The following RUNX2 variants were observed in gnomAD, a reference collection of about 807,000 sequenced individuals.
The protein encoded by RUNX2 is runt-related transcription factor 2.
A neutral mutation model predicts 51.7 loss-of-function variants in RUNX2; 10 were observed. The ratio of observed to expected loss-of-function variants is 0.19; its 90% CI spans 0.12 to 0.33. RUNX2 has a LOEUF of 0.33. RUNX2 is among the 10% of genes least tolerant of loss of function. The pLI is 1.00. For synonymous variants in RUNX2, 276 were observed against 273.6 expected (o/e 1.01, Z -0.09); for missense variants, 562 against 691.3 (o/e 0.81, Z 2.10).
intron 2 of RUNX2, among the ~76,000 whole-genome samples, chr6:45,410,251 G>A (rs571515027): frequency 6.6e-6 from 1 of 152,292 alleles, no homozygotes; most frequent in African/African-American, 2.4e-5. Flanking sequence ...ATTGAGATGG[G>A]CATGAATGGA....
intron 5 of RUNX2, among the ~76,000 whole-genome samples, chr6:45,471,588 G>A (rs1413512238): frequency 4.0e-5 from 6 of 151,840 alleles, no homozygotes. Flanking sequence ...GGGACTACAG[G>A]CGCCCACCAC....
At chr6:45,359,533 G>GA (rs1793858004) in intron 2 of RUNX2, among the ~76,000 whole-genome samples, 3 of 152,000 alleles carry the variant, frequency 2.0e-5, no homozygotes, top group African/African-American at 4.8e-5. Context: ...ATTTAACAGT[G>GA]AAAAAACACA....
intron 7 of RUNX2, among the ~76,000 whole-genome samples, chr6:45,536,145 G>T (rs1802025916): frequency 6.6e-6 from 1 of 151,792 alleles, no homozygotes; most frequent in Non-Finnish European, 1.5e-5. Context: ...AACACAGAAA[G>T]TGAACCTTGA....
Position 45,388,236 on chromosome 6 carries a change from CA to C in RUNX2, c.59-34356del, listed in dbSNP as rs375181707. ...AAAGAAATGAGAACTTGAAGCAGAC[CA>C]TACCTAATGATCCCAGTTTTTTCAG... On this transcript the variant is annotated intron_variant, in intron 2 of 8. Transcript: ENST00000647337. 7.1e-4 allele frequency among the ~76,000 whole-genome samples: 108 copies of C among 152,252 alleles called. 1 individual carries two copies. In the East Asian group the frequency reaches 0.016, roughly 23 times the overall value.
intron 6 of RUNX2, among the ~76,000 whole-genome samples, chr6:45,501,039 G>T (rs1411421257): frequency 2.6e-5 from 4 of 152,202 alleles, no homozygotes; most frequent in African/African-American, 9.6e-5. Context: ...GAAGGGGAAG[G>T]AGTGTCATCT....
chr6:45,443,113 C>T (rs1026566922), intron 5 of RUNX2, among the ~76,000 whole-genome samples: 1 of 123,230 alleles, frequency 8.1e-6, no homozygotes, highest in Non-Finnish European at 1.6e-5. Context: ...GTGCCATGAT[C>T]ATAGCTAACT....
intron 5 of RUNX2, among the ~76,000 whole-genome samples, chr6:45,458,216 G>A (rs1032405730): frequency 2.6e-5 from 4 of 152,106 alleles, no homozygotes; most frequent in Admixed American, 2.6e-4. Flanking sequence ...TAGTAGGGAC[G>A]GGGTTTCCCC....
At chr6:45,481,503 G>A (rs900394051) in intron 5 of RUNX2, among the ~76,000 whole-genome samples, 1 of 152,190 alleles carries the variant, frequency 6.6e-6, no homozygotes, top group Admixed American at 6.5e-5. Flanking sequence ...CTAAGTTTTG[G>A]AAGTAAAGTG....
At chr6:45,428,565 C>T (rs544540737) in intron 3 of RUNX2, among the ~76,000 whole-genome samples, 1 of 152,094 alleles carries the variant, frequency 6.6e-6, no homozygotes, top group Non-Finnish European at 1.5e-5. Context: ...CTCTCAGCCT[C>T]ATAGAAGGCT....
At chr6:45,403,539 T>G (rs1797766040) in intron 2 of RUNX2, among the ~76,000 whole-genome samples, 2 of 152,058 alleles carry the variant, frequency 1.3e-5, no homozygotes, top group Admixed American at 1.3e-4. Context: ...GGCCTGACTT[T>G]CCTTTTAATT....
At chr6:45,504,794 T>A (rs1264518376) in intron 6 of RUNX2, among the ~76,000 whole-genome samples, 3 of 152,206 alleles carry the variant, frequency 2.0e-5, no homozygotes, top group Non-Finnish European at 4.4e-5. Flanking sequence ...AGAGGCATAG[T>A]TCTAAGCCAG....
chr6:45,502,373 A>G (rs1800822086), intron 6 of RUNX2, among the ~76,000 whole-genome samples: 2 of 152,204 alleles, frequency 1.3e-5, no homozygotes, highest in Admixed American at 6.5e-5. Context: ...TCATTAATAA[A>G]AATTATGCCT....
intron 2 of RUNX2, among the ~76,000 whole-genome samples, chr6:45,404,377 C>T (rs1189327498): frequency 2.0e-5 from 3 of 151,702 alleles, no homozygotes; most frequent in Non-Finnish European, 4.4e-5. Context: ...TCTTGAAACT[C>T]TCTCCTGCTC....
chr6:45,508,587 TGA>T (rs1285104979), intron 6 of RUNX2, among the ~76,000 whole-genome samples: 1 of 152,162 alleles, frequency 6.6e-6, no homozygotes, highest in Non-Finnish European at 1.5e-5. Flanking sequence ...CTTAGGACAG[TGA>T]CCTTGAAAGA....
Position 45,547,085 on chromosome 6 carries a change from C to T in RUNX2, c.1346C>T (p.Thr449Ile). The change falls in exon 9 of 9, where the codon ACT becomes ATT. Residue 449 changes from threonine to isoleucine, a missense_variant. By Grantham distance (89) the Thr-to-Ile change is moderately conservative. Coordinates refer to ENST00000647337, the MANE Select transcript of RUNX2 (RefSeq NM_001024630.4). Reference protein sequence around the residue: ...TSSTPYLYYGTSSGSYQFPMV... With the variant: ...TSSTPYLYYGISSGSYQFPMV... ...AGCACTCCATATCTCTACTATGGCA[C>T]TTCGTCAGGATCCTATCAGTTTCCC... The T allele has an allele frequency of 6.2e-7, 1 of 1,614,152 alleles. No individual in the cohort carries two copies. Among genetic ancestry groups the T allele is most frequent in the Non-Finnish European group, 8.5e-7 (1 of 1,180,026 alleles).
intron 2 of RUNX2, among the ~76,000 whole-genome samples, chr6:45,377,583 C>A (rs1376585829): frequency 6.6e-6 from 1 of 152,144 alleles, no homozygotes; most frequent in African/African-American, 2.4e-5. Flanking sequence ...GCGCCTCCCA[C>A]AGCCGCCCTC....
intron 6 of RUNX2, among the ~76,000 whole-genome samples, chr6:45,498,396 G>C (rs1023088692): frequency 6.6e-6 from 1 of 152,180 alleles, no homozygotes; most frequent in Admixed American, 6.5e-5. Flanking sequence ...TCCCTATCAA[G>C]ATAGGTTGGG....
At chr6:45,362,298 A>C (rs901830306) in intron 2 of RUNX2, among the ~76,000 whole-genome samples, 1 of 152,192 alleles carries the variant, frequency 6.6e-6, no homozygotes, top group Non-Finnish European at 1.5e-5. Context: ...GACACCAGGG[A>C]GCCAAAAGAA....
At chr6:45,393,330 T>G (rs1011781104) in intron 2 of RUNX2, among the ~76,000 whole-genome samples, 4 of 152,196 alleles carry the variant, frequency 2.6e-5, no homozygotes, top group Non-Finnish European at 5.9e-5. Flanking sequence ...TGGTTTTATG[T>G]TTTTCTGGCT....
Sources: allele counts gnomAD v4.1 joint callset (sites outside exome capture counted in the v4.1 genomes callset), GRCh38; gene constraint gnomAD v4.1.1; transcripts MANE v1.5; gene names NCBI Gene and HGNC (gene_info 2026-07-23, HGNC 2026-07-21).